EDRF1: variants seen among roughly 807,000 people sequenced by gnomAD.
EDRF1 encodes the protein erythroid differentiation regulatory factor 1.
Under a neutral mutation model 148.7 loss-of-function variants are expected in EDRF1, and 69 were observed. The ratio of observed to expected loss-of-function variants is 0.46; its 90% CI spans 0.38 to 0.57. The LOEUF (loss-of-function observed/expected upper bound fraction) is 0.57, where lower values mean the gene tolerates loss of function less well. Ranked by LOEUF, EDRF1 falls within the 20% of genes least tolerant of loss-of-function variation. EDRF1 has a pLI of 0.00. For synonymous variants in EDRF1, 515 were observed against 532.8 expected (o/e 0.97, Z 0.46); for missense variants, 1,118 against 1,478.7 (o/e 0.76, Z 4.00).
rs867119106 is a variant in EDRF1 at position 125,719,824 on chromosome 10, A to T, written c.17A>T (p.Glu6Val). Residue 6 changes from glutamate (E) to valine (V), a missense_variant, in exon 1 of 25, where the codon GAG (glutamate) becomes GTG (valine). By Grantham distance (121) the Glu-to-Val change is moderately radical. Transcript: ENST00000356792. ...ATCGAAGTGATGGGGGATGCCAAGG[A>T]GGCCGGAGCCGAGGGTCCGCCGGCC... is the stretch of plus-strand genomic sequence containing the variant. MGDAK[E>V]AGAEGPPAGA... 1.2e-6 allele frequency: 2 copies of T among 1,611,168 alleles called. No homozygotes were observed. Among genetic ancestry groups the T allele is most frequent in the African/African-American group, 2.7e-5 (2 of 74,860 alleles).
intron 24 of EDRF1, chr10:125,761,179 G>A (rs1011210867): frequency 1.3e-5 from 5 of 375,074 alleles, no homozygotes; most frequent in Non-Finnish European, 2.6e-5. Context: ...GAATTAGAGT[G>A]AAAGATGCAT....
In EDRF1 at chr10:125,734,160, C is replaced by G; in HGVS notation, c.1474C>G (p.Leu492Val). ...ATTGCTTCTTAATTGTCTGAAATTA[C>G]TGGACAAAAGTAGGCATCCTCAAGT... ...RTLLLNCLKLLDKSRHPQIIA... is the reference protein window; with the variant it reads ...RTLLLNCLKLVDKSRHPQIIA... Residue 492 changes from leucine to valine, a missense_variant, in exon 12 of 25, where the codon CTG (leucine) becomes GTG (valine). Around this residue, in one of 3 missense-constraint regions of EDRF1, gnomAD observed 954 missense variants for 1,241.4 expected, o/e 0.77. Transcript: ENST00000356792. The G allele has an allele frequency of 6.2e-7, 1 of 1,612,028 alleles. No homozygotes were observed. The highest frequency in any genetic ancestry group is 1.1e-5 in the South Asian group (1 of 91,026).
chr10:125,763,183 T>C lies in EDRF1; in HGVS notation c.3546-118T>C, dbSNP rs2133775313. The C allele has an allele frequency of 2.0e-6, 2 of 998,872 alleles. No individual in the cohort carries two copies. Among genetic ancestry groups the C allele is most frequent in the Non-Finnish European group, 3.1e-6 (2 of 639,794 alleles). The allele number at this position is 998,872 out of a possible 1,614,324, so 61.9% of individuals were successfully genotyped here. On this transcript the variant is annotated intron_variant, in intron 24 of 24. Transcript: ENST00000356792. The surrounding 1 kb of genome is among the most constrained non-coding windows in gnomAD (Gnocchi z 4.3). ...AGGTCTGAACCCGGCAGGAGAGGAATGCCTGCTGCTCTGTGAAGAGTGACT... is the reference window on the plus strand; with the variant it reads ...AGGTCTGAACCCGGCAGGAGAGGAACGCCTGCTGCTCTGTGAAGAGTGACT...
chr10:125,749,648 T>A, intron 22 of EDRF1, 83 bp downstream of exon 22: 1 of 1,488,584 alleles, frequency 6.7e-7, no homozygotes, highest in Non-Finnish European at 9.3e-7. Context: ...CCTGTGAATC[T>A]AAATAATACT....
intron 1 of EDRF1, 73 bp downstream of exon 1, chr10:125,719,988 A>C (rs532950476): frequency 7.2e-7 from 1 of 1,398,022 alleles, no homozygotes; most frequent in African/African-American, 1.4e-5. Context: ...GAGGGATGCC[A>C]CGGTTCCCGG....
intron 24 of EDRF1, among the ~76,000 whole-genome samples, chr10:125,758,406 G>C (rs1362544542): frequency 6.6e-6 from 1 of 152,034 alleles, no homozygotes; most frequent in African/African-American, 2.4e-5. Context: ...TCTCTTGTTT[G>C]TTGAAAACTG....
chr10:125,731,978 C>T (rs1405304970), intron 9 of EDRF1: 2 of 410,568 alleles, frequency 4.9e-6, no homozygotes, highest in African/African-American at 4.1e-5. Flanking sequence ...GTCTTTGTGC[C>T]TCTCTCTGGC....
At chr10:125,741,256 A>T (rs754726404) in intron 17 of EDRF1, 55 bp downstream of exon 17, 1 of 1,472,488 alleles carries the variant, frequency 6.8e-7, no homozygotes, top group Admixed American at 1.7e-5. Flanking sequence ...AGTCTAGCTC[A>T]TGCTTATTTG....
chr10:125,731,868 C>T (rs1201729867), intron 9 of EDRF1: 1 of 453,720 alleles, frequency 2.2e-6, no homozygotes, highest in Non-Finnish European at 4.4e-6. Context: ...TTCTTAGCTA[C>T]CTCACATGCT....
At chr10:125,728,268 A>G (rs1407443946) in intron 6 of EDRF1, among the ~76,000 whole-genome samples, 1 of 152,068 alleles carries the variant, frequency 6.6e-6, no homozygotes, top group Non-Finnish European at 1.5e-5. Context: ...TTTGGGAAAC[A>G]TTGGTTTTTA....
chr10:125,729,089 CG>C lies in EDRF1; in HGVS notation c.883del (p.Glu295SerfsTer54), dbSNP rs1453831127. The C allele has an allele frequency of 3.2e-6, 5 of 1,568,330 alleles. No homozygotes were observed. Among genetic ancestry groups the C allele is most frequent in the Non-Finnish European group, 4.3e-6 (5 of 1,164,118 alleles). ...AAAACCTGATTACTTTATTCAATGA[CG>C]GGGAGCACAGTCAGGTATGCTTTCC... ...EQNLITLFND[G>X]EHSQGLKNDF... On this transcript the variant is annotated frameshift_variant, in exon 7 of 25. Transcript: ENST00000356792. LOFTEE classifies it high-confidence loss of function.
At chr10:125,752,764 T>C (rs1483068738) in intron 22 of EDRF1, 35 bp from the exon 23 acceptor site, 14 of 1,391,760 alleles carry the variant, frequency 1.0e-5, no homozygotes, top group African/African-American at 1.4e-5. Flanking sequence ...TAGATTTATA[T>C]TAAAGAAATG....
rs547110541 is a variant in EDRF1 at position 125,753,912 on chromosome 10, A to G, written c.3545+67A>G. 2.3e-5 allele frequency: 36 copies of G among 1,562,462 alleles called. No individual in the cohort carries two copies. The South Asian group carries it at 3.4e-4, about 15-fold the overall frequency. On this transcript the variant is annotated intron_variant, in intron 24 of 24. Coordinates refer to ENST00000356792, the MANE Select transcript of EDRF1 (RefSeq NM_001202438.2). ...CCTACCTATAAAAATTTTCTCTACT[A>G]ACATCATAAAGAAAAACTAGGGGCC...
At chr10:125,756,969 C>A in intron 24 of EDRF1, 1 of 401,836 alleles carries the variant, frequency 2.5e-6, no homozygotes, top group Non-Finnish European at 4.8e-6. Flanking sequence ...TGCCCCACGA[C>A]ACCCAACTAA....
In EDRF1 at chr10:125,735,751, T is replaced by C. The variant is rs779063847; in HGVS notation, c.1605T>C (p.Tyr535=). The change falls in exon 13 of 25, where the codon TAT becomes TAC. Residue 535 remains tyrosine, a synonymous_variant. Transcript: ENST00000356792. The part of the protein sequence containing the change: ...SPLNENSDES[Y]SEEEEEMPDS... ...TAAATGAGAATTCTGATGAAAGTTA[T>C]AGTGAAGAGGAGGAAGAGATGCCCG... 15 of 1,613,666 alleles carry C rather than the reference T, an allele frequency of 9.3e-6. No homozygotes were observed. The highest frequency in any genetic ancestry group is 1.3e-5 in the Non-Finnish European group (15 of 1,179,798).
At chr10:125,745,333 C>A (rs182605406) in intron 18 of EDRF1, 4 of 231,002 alleles carry the variant, frequency 1.7e-5, no homozygotes, top group Non-Finnish European at 3.5e-5. Flanking sequence ...GCCTTGTCAC[C>A]GTGTCCACAC....
At chr10:125,738,466 A>T in intron 15 of EDRF1, 21 bp downstream of exon 15, 4 of 1,613,936 alleles carry the variant, frequency 2.5e-6, no homozygotes, top group Non-Finnish European at 3.4e-6. Flanking sequence ...TTGATGTGCA[A>T]ATAAGGCCTT....
At chr10:125,737,720 C>T (rs951138271) in intron 13 of EDRF1, among the ~76,000 whole-genome samples, 198 bp from the exon 14 acceptor site, 1 of 152,170 alleles carries the variant, frequency 6.6e-6, no homozygotes, top group African/African-American at 2.4e-5. Context: ...TAAAACATTA[C>T]TACTCTAGTT....
chr10:125,759,186 C>G (rs1284307273), intron 24 of EDRF1, among the ~76,000 whole-genome samples: 1 of 152,142 alleles, frequency 6.6e-6, no homozygotes, highest in Non-Finnish European at 1.5e-5. Flanking sequence ...ATGTGAACCC[C>G]CTGACTCCAC....
Sources: gnomAD v4.1 joint callset for allele counts (sites outside exome capture counted in the v4.1 genomes callset) on GRCh38, gnomAD v4.1.1 for gene constraint, gnomAD v4.1.1 regional missense constraint, Gnocchi (gnomAD v3.1) non-coding constraint, MANE v1.5 for transcripts, NCBI Gene and HGNC (gene_info 2026-07-23, HGNC 2026-07-21) for gene names.